Variants in NALF1 observed in about 807,000 individuals in gnomAD.
NALF1 encodes the protein family with sequence similarity 155 member A.
In NALF1, 3 loss-of-function variants were observed where a neutral mutation model predicts 48.4. That is an observed-to-expected ratio of 0.06 (90% CI 0.03 to 0.16). NALF1 has a LOEUF of 0.16. NALF1 is among the 10% of genes least tolerant of loss of function. The pLI, the probability that NALF1 is intolerant of heterozygous loss-of-function variation, is 1.00. For synonymous variants in NALF1, 262 were observed against 245.7 expected (o/e 1.07, Z -0.62); for missense variants, 526 against 571.5 (o/e 0.92, Z 0.81).
At chr13:107,210,821 G>T in intron 1 of NALF1, 66 bp from the exon 2 acceptor site, 1 of 1,132,592 alleles carries the variant, frequency 8.8e-7, no homozygotes, top group Non-Finnish European at 1.3e-6. Flanking sequence ...GAGGCACTGT[G>T]AGAAGCGTGC....
At chr13:107,636,977 A>T (rs1012496039) in intron 1 of NALF1, among the ~76,000 whole-genome samples, 2 of 151,290 alleles carry the variant, frequency 1.3e-5, no homozygotes, top group African/African-American at 4.8e-5. Context: ...GTCCCATAAG[A>T]TTATAATGTA....
At chr13:107,707,332 A>G (rs1459754347) in intron 1 of NALF1, among the ~76,000 whole-genome samples, 2 of 152,210 alleles carry the variant, frequency 1.3e-5, no homozygotes, top group East Asian at 1.9e-4. Flanking sequence ...GATGCATCCA[A>G]TATAAGTGGT....
At chr13:107,635,192 C>T (rs574091287) in intron 1 of NALF1, among the ~76,000 whole-genome samples, 88 of 152,158 alleles carry the variant, frequency 5.8e-4, no homozygotes, top group African/African-American at 2.1e-3. Context: ...ATTAGTTCAT[C>T]CTCATACTGC....
At chr13:107,605,406 G>A (rs544707496) in intron 1 of NALF1, among the ~76,000 whole-genome samples, 5 of 152,166 alleles carry the variant, frequency 3.3e-5, no homozygotes, top group African/African-American at 9.6e-5. Flanking sequence ...CCTTCCTTCC[G>A]GTTAACTAAT....
chr13:107,591,363 G>T (rs1050046761), intron 1 of NALF1, among the ~76,000 whole-genome samples: 3 of 151,942 alleles, frequency 2.0e-5, no homozygotes, highest in Non-Finnish European at 2.9e-5. Flanking sequence ...ATTCAGCATT[G>T]AGACTTCTTC....
chr13:107,739,232 T>C (rs1286209093), intron 1 of NALF1, among the ~76,000 whole-genome samples: 9 of 151,848 alleles, frequency 5.9e-5, no homozygotes, highest in Admixed American at 5.9e-4. Flanking sequence ...ACCTAGATGA[T>C]GGTTGATAGG....
intron 1 of NALF1, among the ~76,000 whole-genome samples, chr13:107,653,169 A>G (rs1003192738): frequency 2.0e-5 from 3 of 150,506 alleles, no homozygotes; most frequent in Non-Finnish European, 1.5e-5. Flanking sequence ...CGAAGGAAAA[A>G]CAATCTATGC....
intron 2 of NALF1, among the ~76,000 whole-genome samples, chr13:107,194,668 G>A (rs1034433956): frequency 6.6e-6 from 1 of 152,110 alleles, no homozygotes; most frequent in Non-Finnish European, 1.5e-5. Flanking sequence ...CTTAGGCAAA[G>A]AATTCATTAC....
chr13:107,170,973 T>G (rs900026527), intron 2 of NALF1, among the ~76,000 whole-genome samples, 187 bp from the exon 3 acceptor site: 15 of 152,346 alleles, frequency 9.8e-5, no homozygotes, highest in South Asian at 4.1e-4. Flanking sequence ...TATTGTTAGA[T>G]TCCTCAAGTT....
rs1197031379 is a variant in NALF1, at chr13:107,633,870, A to ATG, written c.915+231810_915+231811dup. The stretch of plus-strand genomic sequence containing the variant: ...TATTTGCTCACATATATGTGTGTGT[A>ATG]TGTGTGTGTGTATATATATATATGA... On this transcript the variant is annotated intron_variant, in intron 1 of 2. Transcript: ENST00000375915. 3.1e-4 allele frequency among the ~76,000 whole-genome samples: 45 copies of ATG among 143,696 alleles called. No individual in the cohort carries two copies. In the East Asian group the frequency reaches 6.4e-3, roughly 21 times the overall value. The allele number at this position is 143,696 out of a possible 152,430, so 94.3% of individuals were successfully genotyped here. A position where few individuals can be genotyped will look rare whatever the true frequency, so the allele number is the denominator to read the frequency against.
chr13:107,302,797 C>T lies in NALF1; in HGVS notation c.916-92042G>A, dbSNP rs564772366. 3.2e-4 allele frequency among the ~76,000 whole-genome samples: 48 copies of T among 152,314 alleles called. 1 individual carries two copies. In the South Asian group the frequency reaches 9.9e-3, roughly 32 times the overall value. ...CAAATAGTAAATATTTTAGGCACTG[C>T]AGGCTACATATGATTTCTCGCCACA... On this transcript the variant is annotated intron_variant, in intron 1 of 2. Coordinates refer to ENST00000375915, the MANE Select transcript of NALF1 (RefSeq NM_001080396.3).
At chr13:107,191,833 A>ATTTTT (rs66566638) in intron 2 of NALF1, among the ~76,000 whole-genome samples, 28 of 112,224 alleles carry the variant, frequency 2.5e-4, no homozygotes, top group East Asian at 2.5e-4. Flanking sequence ...CACTATGCCT[A>ATTTTT]TTTTTTTTTT....
rs185232516 is a variant in NALF1 at position 107,721,428 on chromosome 13, A to G, written c.915+144254T>C. On this transcript the variant is annotated intron_variant, in intron 1 of 2. Coordinates refer to ENST00000375915, the MANE Select transcript of NALF1 (RefSeq NM_001080396.3). Reference sequence around the variant, plus strand: ...GCAGGGAGGCAGAGTCAATACCTACAGATGGATTTTCAATGCTAAGCTACA... The same window carrying G: ...GCAGGGAGGCAGAGTCAATACCTACGGATGGATTTTCAATGCTAAGCTACA... Among the ~76,000 whole-genome samples, 107 of 152,292 alleles carry G rather than the reference A, an allele frequency of 7.0e-4. 1 individual carries two copies. The highest frequency in any genetic ancestry group is 2.7e-3 in the Admixed American group (42 of 15,296).
At chr13:107,440,026 T>C (rs1371275539) in intron 1 of NALF1, among the ~76,000 whole-genome samples, 2 of 152,216 alleles carry the variant, frequency 1.3e-5, no homozygotes, top group Non-Finnish European at 2.9e-5. Context: ...ACTTAATATT[T>C]TGGAATATCT....
At chr13:107,229,361 GA>G (rs1880173261) in intron 1 of NALF1, among the ~76,000 whole-genome samples, 1 of 152,154 alleles carries the variant, frequency 6.6e-6, no homozygotes, top group South Asian at 2.1e-4. Flanking sequence ...TGAGCATAAG[GA>G]AGTTTCATTA....
At chr13:107,658,224 C>G (rs1223996016) in intron 1 of NALF1, among the ~76,000 whole-genome samples, 3 of 150,770 alleles carry the variant, frequency 2.0e-5, no homozygotes, top group African/African-American at 7.3e-5. Flanking sequence ...GTGGATTTAT[C>G]TTACTTAGTC....
chr13:107,562,829 G>C (rs965067529), intron 1 of NALF1, among the ~76,000 whole-genome samples: 1 of 152,322 alleles, frequency 6.6e-6, no homozygotes, highest in South Asian at 2.1e-4. Context: ...TGAGTGCTAT[G>C]AGTGCTCTTT....
At chr13:107,293,498 C>T (rs1042027163) in intron 1 of NALF1, among the ~76,000 whole-genome samples, 58 of 152,284 alleles carry the variant, frequency 3.8e-4, no homozygotes, top group African/African-American at 1.3e-3. Context: ...TTCCCTACTC[C>T]TTTCTCACTA....
intron 1 of NALF1, among the ~76,000 whole-genome samples, chr13:107,671,195 G>A (rs1045142536): frequency 6.6e-6 from 1 of 151,960 alleles, no homozygotes; most frequent in Non-Finnish European, 1.5e-5. Context: ...ACATGGAAGT[G>A]GTACTTTCTT....
Sources: gnomAD v4.1 joint callset for allele counts (sites outside exome capture counted in the v4.1 genomes callset) on GRCh38, gnomAD v4.1.1 for gene constraint, MANE v1.5 for transcripts, NCBI Gene and HGNC (gene_info 2026-07-23, HGNC 2026-07-21) for gene names.